FAM107B: variants seen among roughly 807,000 people sequenced by gnomAD.
The protein encoded by FAM107B is protein FAM107B.
In FAM107B, 21 loss-of-function variants were observed where a neutral mutation model predicts 31.5. That is an observed-to-expected ratio of 0.67 (90% CI 0.47 to 0.96). FAM107B has a LOEUF of 0.96. FAM107B is among the 40% of genes least tolerant of loss of function. The pLI, the probability that FAM107B is intolerant of heterozygous loss-of-function variation, is 0.00. For synonymous variants in FAM107B, 157 were observed against 141.5 expected, an observed-to-expected ratio of 1.11 and a Z score of -0.78; for missense variants, 452 against 377.1, an observed-to-expected ratio of 1.20 and a Z score of -1.64.
chr10:14,693,693 C>T (rs932333503), intron 1 of FAM107B, among the ~76,000 whole-genome samples: 3 of 152,026 alleles, frequency 2.0e-5, no homozygotes, highest in Non-Finnish European at 2.9e-5. Context: ...ACATAACATT[C>T]CTAGACATGT....
At chr10:14,651,763 T>C (rs538347086) in intron 2 of FAM107B, among the ~76,000 whole-genome samples, 3 of 152,280 alleles carry the variant, frequency 2.0e-5, no homozygotes, top group South Asian at 4.1e-4. Context: ...AATAGGCGAA[T>C]AGATAATCTG....
chr10:14,592,524 C>A (rs546567731), intron 2 of FAM107B, among the ~76,000 whole-genome samples: 42 of 152,350 alleles, frequency 2.8e-4, no homozygotes, highest in African/African-American at 9.9e-4. Context: ...TTAACAGTGT[C>A]TAATCCTGCA....
chr10:14,723,416 C>G (rs1855958591), intron 1 of FAM107B: 1 of 553,476 alleles, frequency 1.8e-6, no homozygotes, highest in South Asian at 1.4e-5. Flanking sequence ...AGCATCTGCT[C>G]TTCTTTTTTA....
At chr10:14,611,613 G>A (rs960159666) in intron 2 of FAM107B, among the ~76,000 whole-genome samples, 5 of 150,786 alleles carry the variant, frequency 3.3e-5, no homozygotes, top group African/African-American at 1.2e-4. Context: ...AGATCTGCCT[G>A]GTGACCTCGG....
At chr10:14,751,828 G>C (rs1024862599) in intron 1 of FAM107B, among the ~76,000 whole-genome samples, 5 of 152,004 alleles carry the variant, frequency 3.3e-5, no homozygotes, top group South Asian at 4.2e-4. Flanking sequence ...AGGTTGTAAC[G>C]CACCGAGACT....
At chr10:14,541,571 T>A (rs1848205842) in intron 2 of FAM107B, among the ~76,000 whole-genome samples, 1 of 152,060 alleles carries the variant, frequency 6.6e-6, no homozygotes, top group Non-Finnish European at 1.5e-5. Flanking sequence ...GGGCCTCTCC[T>A]CCGGAGACAT....
At position 14,666,501 on chromosome 10, in the gene FAM107B, G is replaced by A. The variant is rs532580815; in HGVS notation, c.469+1133C>T. 7.2e-5 allele frequency among the ~76,000 whole-genome samples: 11 copies of A among 152,222 alleles called. No individual in the cohort carries two copies. The East Asian group carries it at 1.9e-3, about 27-fold the overall frequency. On this transcript the variant is annotated intron_variant, in intron 2 of 4. Transcript: ENST00000181796. The stretch of plus-strand genomic sequence containing the variant: ...CTCCCACAACACATGGGGATTATGG[G>A]AACTGCAATCCAAGGTGAGATTTGG...
At chr10:14,693,312 C>A (rs1855188278) in intron 1 of FAM107B, among the ~76,000 whole-genome samples, 1 of 152,094 alleles carries the variant, frequency 6.6e-6, no homozygotes, top group South Asian at 2.1e-4. Flanking sequence ...CCCATCTCTA[C>A]TAAAAATATT....
At chr10:14,553,351 T>C in intron 2 of FAM107B, 2 of 1,278,800 alleles carry the variant, frequency 1.6e-6, no homozygotes, top group Non-Finnish European at 2.0e-6. Context: ...GTTCCAACAG[T>C]TTCTCTATCC....
At chr10:14,609,803 G>A (rs1183341567) in intron 2 of FAM107B, among the ~76,000 whole-genome samples, 1 of 152,220 alleles carries the variant, frequency 6.6e-6, no homozygotes, top group African/African-American at 2.4e-5. Flanking sequence ...ATGACAGATG[G>A]AAGGACAGGC....
intron 2 of FAM107B, among the ~76,000 whole-genome samples, chr10:14,601,621 T>C (rs1224110056): frequency 6.6e-6 from 1 of 152,076 alleles, no homozygotes; most frequent in African/African-American, 2.4e-5. Context: ...AGTCACCTTC[T>C]CTAGGCTGAA....
At chr10:14,585,874 T>A (rs1162630641) in intron 2 of FAM107B, among the ~76,000 whole-genome samples, 3 of 152,092 alleles carry the variant, frequency 2.0e-5, no homozygotes, top group Non-Finnish European at 4.4e-5. Flanking sequence ...CATTGCTGAG[T>A]AAGGAGGAAG....
chr10:14,676,370 T>G (rs1854683278), intron 1 of FAM107B, among the ~76,000 whole-genome samples: 1 of 152,190 alleles, frequency 6.6e-6, no homozygotes, highest in Admixed American at 6.5e-5. Context: ...ATATAAGCCA[T>G]CGGTAGCCCA....
chr10:14,703,555 G>A (rs369686502), intron 1 of FAM107B, among the ~76,000 whole-genome samples: 5 of 152,070 alleles, frequency 3.3e-5, no homozygotes, highest in East Asian at 3.9e-4. Flanking sequence ...GGCTGGTCTC[G>A]AACTCCTGGC....
At chr10:14,566,479 T>C (rs1435448905) in intron 2 of FAM107B, among the ~76,000 whole-genome samples, 1 of 152,012 alleles carries the variant, frequency 6.6e-6, no homozygotes, top group Non-Finnish European at 1.5e-5. Context: ...TGAGGGAGCC[T>C]GGAAACACTC....
intron 2 of FAM107B, among the ~76,000 whole-genome samples, chr10:14,576,459 G>A (rs183706209): frequency 2.0e-4 from 31 of 152,178 alleles, no homozygotes; most frequent in Admixed American, 6.5e-4. Flanking sequence ...CCCGGGAGGC[G>A]GAGGCTGCAG....
At chr10:14,694,816 T>G (rs1395541902) in intron 1 of FAM107B, among the ~76,000 whole-genome samples, 3 of 152,248 alleles carry the variant, frequency 2.0e-5, no homozygotes, top group Non-Finnish European at 4.4e-5. Context: ...GAAATGTCTG[T>G]TCAGGTCTTT....
intron 2 of FAM107B, among the ~76,000 whole-genome samples, chr10:14,656,107 C>T (rs760089289): frequency 8.5e-5 from 13 of 152,142 alleles, no homozygotes; most frequent in African/African-American, 2.7e-4. Flanking sequence ...TGTGCAGGAA[C>T]GACTTTAGGA....
intron 1 of FAM107B, among the ~76,000 whole-genome samples, chr10:14,769,403 T>TC (rs397732154): frequency 6.6e-6 from 1 of 152,120 alleles, no homozygotes; most frequent in African/African-American, 2.4e-5. Context: ...TTTCTTTTTT[T>TC]AGACGGAGTC....
Sources: gnomAD v4.1 joint callset for allele counts (sites outside exome capture counted in the v4.1 genomes callset) on GRCh38, gnomAD v4.1.1 for gene constraint, MANE v1.5 for transcripts, NCBI Gene and HGNC (gene_info 2026-07-23, HGNC 2026-07-21) for gene names.